Variants in TENM2 observed in about 807,000 individuals in gnomAD.
The protein encoded by TENM2 is teneurin transmembrane protein 2.
In TENM2, 52 loss-of-function variants were observed where a neutral mutation model predicts 245.2. The observed-to-expected ratio is 0.21, with a 90% CI of 0.17 to 0.27. TENM2 has a LOEUF of 0.27. Among genes scored for constraint, TENM2 ranks in the 10% least tolerant of loss-of-function variants. The pLI, the probability that TENM2 is intolerant of heterozygous loss-of-function variation, is 1.00. For synonymous variants in TENM2, 1,363 were observed against 1,438.9 expected (o/e 0.95, Z 1.19); for missense variants, 3,046 against 3,666.8 (o/e 0.83, Z 4.37).
chr5:167,811,881 C>T (rs985008478), intron 2 of TENM2, among the ~76,000 whole-genome samples: 9 of 152,112 alleles, frequency 5.9e-5, no homozygotes, highest in African/African-American at 2.2e-4. Context: ...AATTATTGAG[C>T]AGCTACTATG....
intron 2 of TENM2, among the ~76,000 whole-genome samples, chr5:167,532,476 TAC>T (rs1771573739): frequency 6.6e-6 from 1 of 151,992 alleles, no homozygotes; most frequent in Admixed American, 6.6e-5. Context: ...AGTCACGTCT[TAC>T]GTGGATGGCA....
chr5:167,598,188 T>G (rs1034655065), intron 2 of TENM2, among the ~76,000 whole-genome samples: 1 of 152,220 alleles, frequency 6.6e-6, no homozygotes, highest in African/African-American at 2.4e-5. Flanking sequence ...GCATTTTAAT[T>G]GTGTATATTA....
the TENM2 span, among the ~76,000 whole-genome samples, chr5:167,064,569 C>G: frequency 6.6e-6 from 1 of 152,046 alleles, no homozygotes; most frequent in African/African-American, 2.4e-5. Context: ...ATAATAGAGC[C>G]CTTTACAAAA....
At chr5:167,632,330 C>G (rs1025105088) in intron 2 of TENM2, among the ~76,000 whole-genome samples, 1 of 152,094 alleles carries the variant, frequency 6.6e-6, no homozygotes, top group African/African-American at 2.4e-5. Flanking sequence ...AAAGGAAGTT[C>G]TTAGAGAAAA....
At chr5:168,161,557 C>T (rs2152448931) in intron 12 of TENM2, among the ~76,000 whole-genome samples, 1 of 152,224 alleles carries the variant, frequency 6.6e-6, no homozygotes, top group African/African-American at 2.4e-5. Context: ...GAATTCTTGC[C>T]AGCACGTAGG....
At chr5:168,241,922 A>T (rs1766137361) in intron 25 of TENM2, among the ~76,000 whole-genome samples, 1 of 152,198 alleles carries the variant, frequency 6.6e-6, no homozygotes, top group Admixed American at 6.5e-5. Context: ...GAGCTTAGGG[A>T]AAGCAATCCT....
chr5:167,996,293 G>C (rs1300832790), intron 5 of TENM2, among the ~76,000 whole-genome samples: 1 of 151,786 alleles, frequency 6.6e-6, no homozygotes, highest in East Asian at 1.9e-4. Flanking sequence ...ACACAGCTGG[G>C]GTCAGAGAAC....
chr5:167,155,840 A>G, the TENM2 span, among the ~76,000 whole-genome samples: 1 of 152,246 alleles, frequency 6.6e-6, no homozygotes, highest in Non-Finnish European at 1.5e-5. Flanking sequence ...ATGTGCGGTC[A>G]CGCAGCGTGT....
In TENM2 at chr5:167,491,939, A is replaced by G. The variant is rs144866164; in HGVS notation, c.502+116466A>G. ...ATCTCGGATAATTGCTGCCCTAACA[A>G]AGCAGAATAAACTCAGATTGAAAAG... On this transcript the variant is annotated intron_variant, in intron 2 of 28. Transcript: ENST00000518659. Among the ~76,000 whole-genome samples the G allele has an allele frequency of 5.4e-3, 822 of 152,296 alleles. 11 individuals are homozygous for G. The highest frequency in any genetic ancestry group is 0.018 in the African/African-American group (763 of 41,568).
At chr5:167,395,132 A>G (rs962800935) in intron 2 of TENM2, among the ~76,000 whole-genome samples, 2 of 152,112 alleles carry the variant, frequency 1.3e-5, no homozygotes, top group Non-Finnish European at 2.9e-5. Flanking sequence ...TGGACATGGG[A>G]TGCCTTCTCA....
chr5:167,383,441 C>A (rs937737789), intron 2 of TENM2, among the ~76,000 whole-genome samples: 1 of 152,100 alleles, frequency 6.6e-6, no homozygotes, highest in Non-Finnish European at 1.5e-5. Flanking sequence ...CATGTTTTCT[C>A]AAGTCCCACA....
the TENM2 span, among the ~76,000 whole-genome samples, chr5:167,097,562 G>A: frequency 1.3e-5 from 2 of 152,106 alleles, no homozygotes; most frequent in East Asian, 1.9e-4. Flanking sequence ...AATCCATTTT[G>A]TGTATTTTGA....
rs550121995 is a variant in TENM2 at position 167,971,712 on chromosome 5, C to CA, written c.947+18893dup. The stretch of plus-strand genomic sequence containing the variant: ...TGAGACTCCATCTAAAACAAACAAA[C>CA]AAACAAAACAAAACAAAACAAAACA... On this transcript the variant is annotated intron_variant, in intron 4 of 28. Transcript: ENST00000518659. Among the ~76,000 whole-genome samples, 228 of 95,996 alleles carry CA rather than the reference C, an allele frequency of 2.4e-3. 2 individuals carry two copies. The highest frequency in any genetic ancestry group is 4.8e-3 in the East Asian group (11 of 2,284). The allele number at this position is 95,996 out of a possible 152,430, so 63.0% of individuals were successfully genotyped here. A position where few individuals can be genotyped will look rare whatever the true frequency, so the allele number is the denominator to read the frequency against.
chr5:167,552,096 A>T (rs1336579208), intron 2 of TENM2, among the ~76,000 whole-genome samples: 1 of 152,214 alleles, frequency 6.6e-6, no homozygotes, highest in Non-Finnish European at 1.5e-5. Context: ...GAAATTCTCA[A>T]GTGTCCTGAA....
chr5:167,170,608 G>T, the TENM2 span, among the ~76,000 whole-genome samples: 1 of 152,120 alleles, frequency 6.6e-6, no homozygotes, highest in African/African-American at 2.4e-5. Flanking sequence ...TTTATGTCAA[G>T]ACATAAAAAT....
chr5:167,310,687 T>A (rs1406206649), intron 1 of TENM2, among the ~76,000 whole-genome samples: 1 of 152,196 alleles, frequency 6.6e-6, no homozygotes, highest in Admixed American at 6.5e-5. Context: ...GGATTGAACC[T>A]GAAACAACTA....
chr5:167,667,628 G>A (rs1225904468), intron 2 of TENM2, among the ~76,000 whole-genome samples: 1 of 152,224 alleles, frequency 6.6e-6, no homozygotes, highest in African/African-American at 2.4e-5. Context: ...GGAGGTTGGA[G>A]AAACAACTGC....
intron 3 of TENM2, among the ~76,000 whole-genome samples, chr5:167,912,639 C>T (rs886092564): frequency 6.6e-6 from 1 of 152,104 alleles, no homozygotes; most frequent in Non-Finnish European, 1.5e-5. Context: ...TCTGTTATTC[C>T]TGTGCCCTGA....
intron 12 of TENM2, among the ~76,000 whole-genome samples, chr5:168,134,627 C>T (rs1754886242): frequency 1.3e-5 from 2 of 152,276 alleles, no homozygotes; most frequent in East Asian, 1.9e-4. Context: ...GCAGAGGTTG[C>T]AGTGAGCCGA....
Sources: gnomAD v4.1 joint callset for allele counts (sites outside exome capture counted in the v4.1 genomes callset) on GRCh38, gnomAD v4.1.1 for gene constraint, MANE v1.5 for transcripts, NCBI Gene and HGNC (gene_info 2026-07-23, HGNC 2026-07-21) for gene names.